TDRD5: variants seen among roughly 807,000 people sequenced by gnomAD.
The protein encoded by TDRD5 is tudor domain containing 5.
TDRD5 carries 41 observed loss-of-function variants against 120.6 expected under a neutral mutation model. The ratio of observed to expected loss-of-function variants is 0.34; its 90% CI spans 0.26 to 0.44. TDRD5 has a LOEUF of 0.44. Among genes scored for constraint, TDRD5 ranks in the 20% least tolerant of loss-of-function variants. TDRD5 has a pLI of 1.00. For missense variants in TDRD5, 1,006 were observed against 1,221.2 expected (o/e 0.82, Z 2.63); for synonymous variants, 430 against 433.7 (o/e 0.99, Z 0.11).
intron 9 of TDRD5, among the ~76,000 whole-genome samples, chr1:179,638,529 A>G (rs1677886863): frequency 7.8e-6 from 1 of 128,316 alleles, no homozygotes; most frequent in Non-Finnish European, 1.7e-5. Context: ...AAAGAAGATA[A>G]AAGTTTATTT....
chr1:179,680,568 G>A (rs1485036242), intron 17 of TDRD5, among the ~76,000 whole-genome samples: 3 of 152,100 alleles, frequency 2.0e-5, no homozygotes, highest in Non-Finnish European at 4.4e-5. Context: ...AATCTATTTA[G>A]TTGATATGAA....
In TDRD5 at chr1:179,635,772, A is replaced by G. The variant is rs1275900707; in HGVS notation, c.1405A>G (p.Thr469Ala). The G allele has an allele frequency of 1.2e-6, 2 of 1,613,916 alleles. No individual in the cohort carries two copies. Among genetic ancestry groups the G allele is most frequent in the African/African-American group, 1.3e-5 (1 of 74,892 alleles). The change falls in exon 9 of 18, where the codon ACC becomes GCC. Residue 469 changes from threonine (T) to alanine (A), a missense_variant. Physicochemically the swap from Thr to Ala is moderately conservative, Grantham distance 58. Around this residue, in one of 3 missense-constraint regions of TDRD5, gnomAD observed 158 missense variants for 257.5 expected, o/e 0.61. Coordinates refer to ENST00000444136, the MANE Select transcript of TDRD5 (RefSeq NM_001199085.3). ...ATTATGCAGACTCCCACCATTAGAC[A>G]CCAGTTCCCTCATAGGGGTCTTTGT... ...KKLCRLPPLD[T>A]SSLIGVFVEY...
intron 6 of TDRD5, among the ~76,000 whole-genome samples, chr1:179,630,415 C>G (rs1230216639): frequency 6.6e-6 from 1 of 151,926 alleles, no homozygotes; most frequent in Admixed American, 6.6e-5. Context: ...AGAGAAATAC[C>G]AATAGTTTTA....
chr1:179,601,880 A>G (rs1675732298), intron 4 of TDRD5, among the ~76,000 whole-genome samples: 1 of 152,184 alleles, frequency 6.6e-6, no homozygotes, highest in African/African-American at 2.4e-5. Context: ...ATCTTGGCTC[A>G]CTGCAGCCTC....
chr1:179,663,606 T>C, intron 16 of TDRD5, 115 bp downstream of exon 16: 2 of 1,327,348 alleles, frequency 1.5e-6, no homozygotes, highest in Middle Eastern at 5.4e-4. Context: ...CTTAACAGCT[T>C]GCTGTAGCTG....
chr1:179,603,303 A>G (rs1000016898), intron 4 of TDRD5, among the ~76,000 whole-genome samples: 8 of 152,190 alleles, frequency 5.3e-5, no homozygotes, highest in African/African-American at 1.9e-4. Context: ...TTCAAGGTAA[A>G]TGATCATATT....
chr1:179,643,731 G>A (rs954749698), intron 11 of TDRD5, among the ~76,000 whole-genome samples: 2 of 152,106 alleles, frequency 1.3e-5, no homozygotes, highest in African/African-American at 4.8e-5. Context: ...ACCCCAACAG[G>A]TATGTAATTG....
intron 6 of TDRD5, among the ~76,000 whole-genome samples, chr1:179,623,925 C>T (rs1676980075): frequency 6.6e-6 from 1 of 152,078 alleles, no homozygotes; most frequent in Non-Finnish European, 1.5e-5. Flanking sequence ...AGGCATGAGC[C>T]ACCACACCTG....
intron 11 of TDRD5, among the ~76,000 whole-genome samples, chr1:179,643,902 A>G (rs1678194297): frequency 6.6e-6 from 1 of 152,206 alleles, no homozygotes; most frequent in South Asian, 2.1e-4. Context: ...CATGATAATC[A>G]AACTGCTGAA....
At chr1:179,637,810 T>A (rs1484143723) in intron 9 of TDRD5, among the ~76,000 whole-genome samples, 1 of 152,198 alleles carries the variant, frequency 6.6e-6, no homozygotes, top group Non-Finnish European at 1.5e-5. Context: ...GTCCTTTGCC[T>A]TTGCGAATAC....
intron 17 of TDRD5, among the ~76,000 whole-genome samples, chr1:179,671,732 C>T (rs1390816089): frequency 2.6e-5 from 4 of 152,070 alleles, no homozygotes; most frequent in East Asian, 3.8e-4. Context: ...TTTTATCCCT[C>T]GAAACCCCCC....
chr1:179,657,841 G>A (rs747692416), intron 14 of TDRD5, among the ~76,000 whole-genome samples: 1 of 152,000 alleles, frequency 6.6e-6, no homozygotes, highest in Non-Finnish European at 1.5e-5. Flanking sequence ...TCACATATTT[G>A]TTATTTTTTT....
chr1:179,623,453 TG>T (rs1676942217), intron 6 of TDRD5, among the ~76,000 whole-genome samples: 1 of 152,128 alleles, frequency 6.6e-6, no homozygotes, highest in South Asian at 2.1e-4. Context: ...GGGCAGTACC[TG>T]GAACTATAGG....
At chr1:179,597,805 A>G (rs1348202354) in intron 4 of TDRD5, among the ~76,000 whole-genome samples, 2 of 151,842 alleles carry the variant, frequency 1.3e-5, no homozygotes, top group Non-Finnish European at 2.9e-5. Context: ...GCATATAGAC[A>G]GTTATTCCTT....
At chr1:179,633,645 C>A (rs1012062105) in intron 7 of TDRD5, among the ~76,000 whole-genome samples, 1 of 152,046 alleles carries the variant, frequency 6.6e-6, no homozygotes, top group African/African-American at 2.4e-5. Flanking sequence ...CCACTGAACC[C>A]AGCCTGGAGT....
intron 7 of TDRD5, among the ~76,000 whole-genome samples, chr1:179,634,177 C>CA (rs751773890): frequency 3.5e-5 from 5 of 141,208 alleles, no homozygotes; most frequent in Admixed American, 6.9e-5. Context: ...TCTCAAAAAA[C>CA]AAAAAAACAA....
In TDRD5 at chr1:179,595,635, T is replaced by A. The variant is rs776511022; in HGVS notation, c.648T>A (p.Ile216=). The part of the protein sequence containing the change: ...EKPRGCPAGK[I]FTQPFRMKQG... ...TTCTATTACTCACAAAAGGTAAAAT[T>A]TTTACCCAGCCATTTAGAATGAAAC... The change falls in exon 4 of 18, where the codon ATT becomes ATA. Residue 216 remains isoleucine, a synonymous_variant. Coordinates refer to ENST00000444136, the MANE Select transcript of TDRD5 (RefSeq NM_001199085.3). The A allele has an allele frequency of 2.1e-5, 33 of 1,562,942 alleles. No homozygotes were observed. In the East Asian group the frequency reaches 6.9e-4, roughly 33 times the overall value.
In TDRD5 at chr1:179,593,608, T is replaced by A; in HGVS notation, c.381T>A (p.Val127=). 1 of 1,614,248 alleles carries A rather than the reference T, an allele frequency of 6.2e-7. No individual in the cohort carries two copies. Among genetic ancestry groups the A allele is most frequent in the Non-Finnish European group, 8.5e-7 (1 of 1,180,040 alleles). ...GGCGAGTACCTTACCGAGGAAGGGT[T>A]GCCCCTATTCTTCCAGCTGTTGTGA... ...SHRRVPYRGR[V]APILPAVVKS... Residue 127 remains valine (V), a synonymous_variant, in exon 3 of 18, where the codon GTT becomes GTA. Coordinates refer to ENST00000444136, the MANE Select transcript of TDRD5 (RefSeq NM_001199085.3).
intron 5 of TDRD5, 73 bp downstream of exon 5, chr1:179,618,755 G>A: frequency 9.1e-7 from 1 of 1,094,174 alleles, no homozygotes; most frequent in Non-Finnish European, 1.3e-6. Flanking sequence ...GGTTGAGTTT[G>A]TCTGCAAGTA....
Sources: gnomAD v4.1 joint callset for allele counts (sites outside exome capture counted in the v4.1 genomes callset) on GRCh38, gnomAD v4.1.1 for gene constraint, gnomAD v4.1.1 regional missense constraint, MANE v1.5 for transcripts, NCBI Gene and HGNC (gene_info 2026-07-23, HGNC 2026-07-21) for gene names.